The following TBC1D22A variants were observed in gnomAD, a reference collection of about 807,000 sequenced individuals.
The protein encoded by TBC1D22A is TBC1 domain family member 22A, also known as putative GTPase activator.
TBC1D22A carries 38 observed loss-of-function variants against 60.2 expected under a neutral mutation model. The ratio of observed to expected loss-of-function variants is 0.63; its 90% CI spans 0.49 to 0.83. TBC1D22A has a LOEUF of 0.83. Ranked by LOEUF, TBC1D22A falls within the 40% of genes least tolerant of loss-of-function variation. TBC1D22A has a pLI of 0.00. For synonymous variants in TBC1D22A, 302 were observed against 281.7 expected, an observed-to-expected ratio of 1.07 and a Z score of -0.72; for missense variants, 628 against 701.0, an observed-to-expected ratio of 0.90 and a Z score of 1.18.
intron 11 of TBC1D22A, among the ~76,000 whole-genome samples, chr22:47,038,125 C>G (rs1019774801): frequency 6.6e-6 from 1 of 152,144 alleles, no homozygotes; most frequent in Non-Finnish European, 1.5e-5. Flanking sequence ...ACGCGCCAGC[C>G]TTTCATCATC....
chr22:46,991,632 A>G (rs2074944219), intron 9 of TBC1D22A, among the ~76,000 whole-genome samples: 1 of 152,102 alleles, frequency 6.6e-6, no homozygotes, highest in Admixed American at 6.5e-5. Context: ...ATACCCCTCC[A>G]TCCTCATTTG....
At chr22:46,928,452 C>T (rs1275668470) in intron 8 of TBC1D22A, among the ~76,000 whole-genome samples, 1 of 152,158 alleles carries the variant, frequency 6.6e-6, no homozygotes, top group Non-Finnish European at 1.5e-5. Context: ...AATGTAAGAG[C>T]TGAAATCATA....
chr22:47,049,245 A>G (rs895020090), intron 11 of TBC1D22A, among the ~76,000 whole-genome samples: 5 of 152,302 alleles, frequency 3.3e-5, no homozygotes, highest in African/African-American at 7.2e-5. Flanking sequence ...CTGTTCCAGT[A>G]TTGACATTTT....
intron 8 of TBC1D22A, among the ~76,000 whole-genome samples, chr22:46,925,134 T>G (rs1229262088): frequency 1.3e-5 from 2 of 152,224 alleles, no homozygotes; most frequent in Non-Finnish European, 2.9e-5. Context: ...GCATTTAAAT[T>G]TTACTTCCCT....
chr22:47,082,743 G>C (rs370763748), intron 11 of TBC1D22A, among the ~76,000 whole-genome samples: 1 of 152,244 alleles, frequency 6.6e-6, no homozygotes, highest in Non-Finnish European at 1.5e-5. Flanking sequence ...GTGCTGACAA[G>C]TATGTGGCTC....
chr22:46,765,529 G>A (rs558797220), intron 1 of TBC1D22A, among the ~76,000 whole-genome samples: 141 of 152,172 alleles, frequency 9.3e-4, no homozygotes, highest in Non-Finnish European at 1.7e-3. Context: ...GCAGTGGTGT[G>A]ATCTTGGCTC....
intron 4 of TBC1D22A, among the ~76,000 whole-genome samples, chr22:46,849,650 C>T (rs569691783): frequency 2.0e-5 from 3 of 152,268 alleles, no homozygotes; most frequent in African/African-American, 7.2e-5. Context: ...TCACACAACC[C>T]GGTTCATTTA....
rs544851723 is a variant in TBC1D22A, at chr22:47,066,310, G to C, written c.1329+29112G>C. Among the ~76,000 whole-genome samples, 3 of 152,316 alleles carry C rather than the reference G, an allele frequency of 2.0e-5. No homozygotes were observed. The East Asian group carries it at 5.8e-4, about 29-fold the overall frequency. On this transcript the variant is annotated intron_variant, in intron 11 of 12. Transcript: ENST00000337137. ...TGGTGCTGCCTGAATCCTGAAGTGG[G>C]TGGCACCCACGAGGGGGGTTCCTCG... is the stretch of plus-strand genomic sequence containing the variant.
chr22:46,814,326 A>G (rs1198146317), intron 4 of TBC1D22A, among the ~76,000 whole-genome samples: 2 of 152,110 alleles, frequency 1.3e-5, no homozygotes, highest in African/African-American at 4.8e-5. Flanking sequence ...TTCCTGTTTG[A>G]CAGATGAGGA....
At position 47,022,114 on chromosome 22, in the gene TBC1D22A, G is replaced by T. The variant is rs115983821; in HGVS notation, c.1202-14957G>T. Among the ~76,000 whole-genome samples the T allele has an allele frequency of 2.1e-3, 319 of 152,322 alleles. 1 individual carries two copies. Among genetic ancestry groups the T allele is most frequent in the African/African-American group, 7.4e-3 (308 of 41,562 alleles). ...TTGATCAGGGAAATGAGCACCAAAT[G>T]TTGGACATTTTTCCTGTTTCCGGTC... On this transcript the variant is annotated intron_variant, in intron 10 of 12. Coordinates refer to ENST00000337137, the MANE Select transcript of TBC1D22A (RefSeq NM_014346.5).
chr22:46,865,516 G>A (rs115049529), intron 4 of TBC1D22A, among the ~76,000 whole-genome samples: 3,146 of 152,334 alleles, frequency 0.021, 124 homozygotes, highest in African/African-American at 0.072. Context: ...ACCACAGGTA[G>A]AAAATTCTAC....
intron 7 of TBC1D22A, among the ~76,000 whole-genome samples, chr22:46,895,794 T>G (rs760554824): frequency 2.0e-5 from 3 of 152,206 alleles, no homozygotes; most frequent in Non-Finnish European, 4.4e-5. Context: ...GTTTCTGATG[T>G]TTTGCTGTTA....
At chr22:47,081,128 A>G (rs1439125244) in intron 11 of TBC1D22A, among the ~76,000 whole-genome samples, 1 of 151,734 alleles carries the variant, frequency 6.6e-6, no homozygotes, top group Non-Finnish European at 1.5e-5. Context: ...CTCAAAAAAA[A>G]AAAAAAAAAA....
Position 47,142,026 on chromosome 22 carries a change from G to A in TBC1D22A, c.1425+30423G>A, listed in dbSNP as rs112542749. ...TCCTGTGTGCTGGGCCCACTAGTAGGCACTGAGAATTCTTCCCACATCTGC... is the reference window on the plus strand; with the variant it reads ...TCCTGTGTGCTGGGCCCACTAGTAGACACTGAGAATTCTTCCCACATCTGC... On this transcript the variant is annotated intron_variant, in intron 12 of 12. Coordinates refer to ENST00000337137, the MANE Select transcript of TBC1D22A (RefSeq NM_014346.5). 5.8e-3 allele frequency among the ~76,000 whole-genome samples: 877 copies of A among 152,220 alleles called. 9 individuals are homozygous for A. Among genetic ancestry groups the A allele is most frequent in the African/African-American group, 0.02 (839 of 41,522 alleles).
intron 11 of TBC1D22A, among the ~76,000 whole-genome samples, chr22:47,058,059 C>A (rs2063455367): frequency 6.6e-6 from 1 of 152,184 alleles, no homozygotes; most frequent in Admixed American, 6.5e-5. Context: ...GCAAGGATTG[C>A]AGGCCAAGGG....
At chr22:47,078,986 C>T (rs2064338986) in intron 11 of TBC1D22A, among the ~76,000 whole-genome samples, 1 of 152,140 alleles carries the variant, frequency 6.6e-6, no homozygotes, top group Non-Finnish European at 1.5e-5. Context: ...TCTCTTTGCC[C>T]TCTCTAAACA....
chr22:46,854,799 G>C (rs2147304282), intron 4 of TBC1D22A, among the ~76,000 whole-genome samples: 1 of 152,266 alleles, frequency 6.6e-6, no homozygotes, highest in South Asian at 2.1e-4. Flanking sequence ...TCACACTCCT[G>C]ATATTTAATG....
intron 8 of TBC1D22A, among the ~76,000 whole-genome samples, chr22:46,952,994 G>A (rs1454427488): frequency 6.6e-6 from 1 of 152,288 alleles, no homozygotes; most frequent in East Asian, 1.9e-4. Flanking sequence ...AGTGTTTGCT[G>A]TAAAGTCACT....
At chr22:47,012,728 A>T (rs1219723474) in intron 10 of TBC1D22A, among the ~76,000 whole-genome samples, 1 of 152,166 alleles carries the variant, frequency 6.6e-6, no homozygotes, top group African/African-American at 2.4e-5. Context: ...TTCAGGTAGG[A>T]CCACACTTCA....
Sources: allele counts gnomAD v4.1 joint callset (sites outside exome capture counted in the v4.1 genomes callset), GRCh38; gene constraint gnomAD v4.1.1; transcripts MANE v1.5; gene names NCBI Gene and HGNC (gene_info 2026-07-23, HGNC 2026-07-21).